The following TNKS2 variants were observed in gnomAD, a reference collection of about 807,000 sequenced individuals.
TNKS2 encodes tankyrase 2.
A neutral mutation model predicts 137.6 loss-of-function variants in TNKS2; 72 were observed. The observed-to-expected ratio is 0.52, with a 90% CI of 0.43 to 0.64. The LOEUF (loss-of-function observed/expected upper bound fraction) is 0.64. Among genes scored for constraint, TNKS2 ranks in the 30% least tolerant of loss-of-function variants. TNKS2 has a pLI of 0.00. For synonymous variants in TNKS2, 516 were observed against 512.1 expected (o/e 1.01, Z -0.10); for missense variants, 1,049 against 1,410.2 (o/e 0.74, Z 4.10).
intron 1 of TNKS2, 26 bp from the exon 2 acceptor site, chr10:91,812,957 C>G: frequency 1.9e-6 from 3 of 1,610,552 alleles, no homozygotes; most frequent in Non-Finnish European, 2.5e-6. Context: ...GTTGAACTTA[C>G]GTGTGGACAA....
intron 1 of TNKS2, among the ~76,000 whole-genome samples, chr10:91,808,652 T>TA (rs1400831193): frequency 1.3e-5 from 2 of 152,188 alleles, no homozygotes; most frequent in African/African-American, 4.8e-5. Flanking sequence ...GAGTTTGAGA[T>TA]ACCTTTAAAA....
intron 1 of TNKS2, among the ~76,000 whole-genome samples, chr10:91,800,068 C>G (rs1844112019): frequency 6.6e-6 from 1 of 152,148 alleles, no homozygotes; most frequent in Admixed American, 6.5e-5. Context: ...AGGAGGTATG[C>G]TTTTTTGATC....
rs1842045778 is a variant in TNKS2, at chr10:91,836,972, A to G, written c.1501A>G (p.Lys501Glu). 6.2e-7 allele frequency: 1 copy of G among 1,613,418 alleles called. No homozygotes were observed. The highest frequency in any genetic ancestry group is 8.5e-7 in the Non-Finnish European group (1 of 1,179,690). The change falls in exon 13 of 27, where the codon AAG (lysine) becomes GAG (glutamate). Residue 501 changes from lysine to glutamate, a missense_variant. Physicochemically the swap from Lys to Glu is moderately conservative, Grantham distance 56. This residue lies in a region of TNKS2 where 328 missense variants were observed against 436.0 expected (regional missense o/e 0.75). Transcript: ENST00000371627. Reference sequence around the variant, plus strand: ...AGACAGACAATTGCTGGAAGCTGCAAAGGCTGGAGATGTCGAAACTGTAAA... The same window carrying G: ...AGACAGACAATTGCTGGAAGCTGCAGAGGCTGGAGATGTCGAAACTGTAAA... The part of the protein sequence containing the change: ...EADRQLLEAA[K>E]AGDVETVKKL...
intron 1 of TNKS2, among the ~76,000 whole-genome samples, chr10:91,800,495 T>C (rs534699628): frequency 2.0e-5 from 3 of 152,226 alleles, no homozygotes; most frequent in Non-Finnish European, 4.4e-5. Context: ...GATTATGTTA[T>C]TAGATCCTCA....
rs1166530542 is a variant in TNKS2, at chr10:91,798,457, G to T, written c.-234G>T. 2 of 327,152 alleles carry T rather than the reference G, an allele frequency of 6.1e-6. No individual in the cohort carries two copies. The highest frequency in any genetic ancestry group is 1.1e-4 in the East Asian group (2 of 18,326). 20.3% of individuals were successfully genotyped at this position (327,152 alleles called of 1,614,324 possible). ...CGCCGCCGCGTCGTTTCAGGACCCG[G>T]ACGGCGGATTCGCGCTGCCTCCGCC... On this transcript the variant is annotated 5_prime_UTR_variant, in exon 1 of 27. Transcript: ENST00000371627.
chr10:91,834,939 A>G (rs1029465529), intron 12 of TNKS2, among the ~76,000 whole-genome samples: 1 of 152,344 alleles, frequency 6.6e-6, no homozygotes, highest in Non-Finnish European at 1.5e-5. Flanking sequence ...ACAATAAATT[A>G]TTGAAGTGGA....
chr10:91,817,021 G>A, intron 2 of TNKS2, 113 bp from the exon 3 acceptor site: 1 of 631,088 alleles, frequency 1.6e-6, no homozygotes, highest in Non-Finnish European at 2.8e-6. Flanking sequence ...GATATGAAAG[G>A]TCTTTAAACA....
At chr10:91,813,944 A>T (rs1437625080) in intron 2 of TNKS2, among the ~76,000 whole-genome samples, 1 of 152,186 alleles carries the variant, frequency 6.6e-6, no homozygotes, top group Non-Finnish European at 1.5e-5. Context: ...AAAATTATGT[A>T]CACTACATGA....
At chr10:91,861,391 C>T (rs1461091374) in intron 25 of TNKS2, among the ~76,000 whole-genome samples, 17 of 152,156 alleles carry the variant, frequency 1.1e-4, no homozygotes, top group Admixed American at 1.1e-3. Context: ...CTCCCAAGTA[C>T]AGTGACAGCC....
At chr10:91,854,559 T>C (rs1842645551) in intron 21 of TNKS2, among the ~76,000 whole-genome samples, 1 of 152,180 alleles carries the variant, frequency 6.6e-6, no homozygotes, top group African/African-American at 2.4e-5. Context: ...AACTCTGTAC[T>C]TTCATCCTTT....
chr10:91,842,293 A>G lies in TNKS2; in HGVS notation c.1961A>G (p.Lys654Arg). 6.2e-7 allele frequency: 1 copy of G among 1,614,184 alleles called. No individual in the cohort carries two copies. The highest frequency in any genetic ancestry group is 8.5e-7 in the Non-Finnish European group (1 of 1,180,014). Residue 654 changes from lysine to arginine, a missense_variant, in exon 16 of 27, where the codon AAG becomes AGG. Transcript: ENST00000371627. ...RGDAALLDAA[K>R]KGCLARVKKL... is the part of the protein sequence containing the mutation. The stretch of plus-strand genomic sequence containing the variant: ...GATGCAGCTTTGCTAGATGCTGCCA[A>G]GAAGGGTTGTTTAGCCAGAGTGAAG...
At chr10:91,833,773 G>A (rs1465785565) in intron 11 of TNKS2, 80 bp from the exon 12 acceptor site, 3 of 1,173,564 alleles carry the variant, frequency 2.6e-6, no homozygotes, top group Non-Finnish European at 3.4e-6. Context: ...CTTAAAAGTA[G>A]TAAAAAGTGT....
At chr10:91,831,494 AT>A (rs1229832922) in intron 11 of TNKS2, among the ~76,000 whole-genome samples, 1 of 152,008 alleles carries the variant, frequency 6.6e-6, no homozygotes, top group African/African-American at 2.4e-5. Flanking sequence ...TTTCTCACCC[AT>A]ATCTTCTAAT....
rs779301903 is a variant in TNKS2 at position 91,862,918 on chromosome 10, AT to A, written c.3439-16del. 1.9e-6 allele frequency: 3 copies of A among 1,582,378 alleles called. No homozygotes were observed. The Admixed American group carries it at 5.2e-5, about 27-fold the overall frequency. On this transcript the variant is annotated intron_variant, in intron 26 of 26. Transcript: ENST00000371627. ...AGAAAATTTTTGTACCATTATTTGA[AT>A]TTATCTTTCTCTTCCAGGCTTATCC...
chr10:91,804,748 T>C (rs1844271653), intron 1 of TNKS2, among the ~76,000 whole-genome samples: 1 of 152,186 alleles, frequency 6.6e-6, no homozygotes, highest in Non-Finnish European at 1.5e-5. Context: ...TTGGGAAGTA[T>C]GGTTTTTTGG....
At position 91,848,605 on chromosome 10, in the gene TNKS2, G is replaced by A. The variant is rs1564626445; in HGVS notation, c.2581G>A (p.Glu861Lys). The A allele has an allele frequency of 6.2e-7, 1 of 1,614,210 alleles. No individual in the cohort carries two copies. Among genetic ancestry groups the A allele is most frequent in the East Asian group, 2.2e-5 (1 of 44,886 alleles). Residue 861 changes from glutamate (E) to lysine (K), a missense_variant, in exon 19 of 27, where the codon GAG (glutamate) becomes AAG (lysine). Physicochemically the swap from Glu to Lys is moderately conservative, Grantham distance 56 (BLOSUM62 1). Coordinates refer to ENST00000371627, the MANE Select transcript of TNKS2 (RefSeq NM_025235.4). ...LSSVVSSSGT[E>K]GASSLEKKEV... is the part of the protein sequence containing the mutation. Reference sequence around the variant, plus strand: ...TTCAGTAGTTAGTTCAAGTGGAACAGAGGGTGCTTCCAGTTTGGAGAAAAA... The same window carrying A: ...TTCAGTAGTTAGTTCAAGTGGAACAAAGGGTGCTTCCAGTTTGGAGAAAAA...
At chr10:91,850,090 G>A (rs966529892) in intron 20 of TNKS2, among the ~76,000 whole-genome samples, 1 of 152,222 alleles carries the variant, frequency 6.6e-6, no homozygotes, top group African/African-American at 2.4e-5. Context: ...ATATGGCCGG[G>A]TGCAGTGGCT....
chr10:91,827,711 A>G (rs969100376), intron 8 of TNKS2, among the ~76,000 whole-genome samples: 1 of 152,214 alleles, frequency 6.6e-6, no homozygotes, highest in Admixed American at 6.5e-5. Flanking sequence ...TAAGCAACTT[A>G]TATTGGATTT....
intron 13 of TNKS2, among the ~76,000 whole-genome samples, chr10:91,837,569 T>C (rs1772181): frequency 0.14 from 21,235 of 152,250 alleles, 1,578 homozygotes; most frequent in Middle Eastern, 0.19. Flanking sequence ...GAAATATGTA[T>C]GTAAAACTGG....
Sources: gnomAD v4.1 joint callset for allele counts (sites outside exome capture counted in the v4.1 genomes callset) on GRCh38, gnomAD v4.1.1 for gene constraint, gnomAD v4.1.1 regional missense constraint, MANE v1.5 for transcripts, NCBI Gene and HGNC (gene_info 2026-07-23, HGNC 2026-07-21) for gene names.